Variants in SHB observed in about 807,000 individuals in gnomAD.
SHB encodes the protein SH2 domain-containing adapter protein B.
SHB carries 20 observed loss-of-function variants against 52.3 expected under a neutral mutation model. The observed-to-expected ratio is 0.38, with a 90% CI of 0.27 to 0.56. SHB has a LOEUF of 0.56. Among genes scored for constraint, SHB ranks in the 20% least tolerant of loss-of-function variants. The probability of loss-of-function intolerance (pLI) is 0.71; values close to 1 mark genes in which losing one functional copy is unlikely to be tolerated. For missense variants in SHB, 825 were observed against 723.3 expected (o/e 1.14, Z -1.61); for synonymous variants, 397 against 316.5 (o/e 1.25, Z -2.70).
chr9:37,959,033 G>A (rs1157068034), intron 3 of SHB, among the ~76,000 whole-genome samples: 1 of 152,144 alleles, frequency 6.6e-6, no homozygotes, highest in African/African-American at 2.4e-5. Context: ...ACTTATAGAT[G>A]GGGATAATCA....
intron 1 of SHB, among the ~76,000 whole-genome samples, chr9:38,046,709 T>C (rs959540202): frequency 1.3e-5 from 2 of 152,250 alleles, no homozygotes; most frequent in Non-Finnish European, 2.9e-5. Context: ...CGCAATGAGA[T>C]GTGGCTTCAT....
At chr9:38,049,308 C>A (rs1253682283) in intron 1 of SHB, among the ~76,000 whole-genome samples, 2 of 151,654 alleles carry the variant, frequency 1.3e-5, no homozygotes, top group African/African-American at 4.8e-5. Context: ...CAGCCAATAT[C>A]CTCACTGAAA....
chr9:37,984,337 A>C (rs1033062080), intron 2 of SHB, among the ~76,000 whole-genome samples: 1 of 152,194 alleles, frequency 6.6e-6, no homozygotes, highest in Non-Finnish European at 1.5e-5. Context: ...TTCTGGGTCC[A>C]CAACTCCCGA....
At chr9:37,963,049 G>A (rs1832711141) in intron 3 of SHB, among the ~76,000 whole-genome samples, 1 of 152,186 alleles carries the variant, frequency 6.6e-6, no homozygotes, top group South Asian at 2.1e-4. Flanking sequence ...TGGGACTGCA[G>A]CCCTGGGCAG....
intron 1 of SHB, among the ~76,000 whole-genome samples, chr9:38,043,799 G>T (rs537465950): frequency 6.6e-6 from 1 of 152,106 alleles, no homozygotes; most frequent in East Asian, 1.9e-4. Flanking sequence ...TGAGGCAGGA[G>T]AATGGCTTGA....
intron 2 of SHB, among the ~76,000 whole-genome samples, chr9:37,997,316 C>G (rs1473986102): frequency 1.3e-5 from 2 of 152,154 alleles, no homozygotes; most frequent in Non-Finnish European, 2.9e-5. Flanking sequence ...CCTACGAAAC[C>G]ACTGGTGGGT....
intron 1 of SHB, among the ~76,000 whole-genome samples, chr9:38,036,988 G>A (rs1164087491): frequency 1.3e-5 from 2 of 152,130 alleles, no homozygotes; most frequent in Non-Finnish European, 2.9e-5. Flanking sequence ...ACTCTACTAT[G>A]AAACTCCTCC....
intron 3 of SHB, among the ~76,000 whole-genome samples, chr9:37,957,437 T>C (rs150280830): frequency 3.9e-5 from 6 of 152,286 alleles, no homozygotes; most frequent in African/African-American, 1.4e-4. Flanking sequence ...TATCAGGGAC[T>C]GTGGGGCATT....
At chr9:38,057,813 T>A (rs978908902) in intron 1 of SHB, among the ~76,000 whole-genome samples, 3 of 152,248 alleles carry the variant, frequency 2.0e-5, no homozygotes, top group Non-Finnish European at 4.4e-5. Context: ...CCATAGCCCA[T>A]GTACCAGTGA....
intron 1 of SHB, among the ~76,000 whole-genome samples, chr9:38,066,017 TAGCACTCATCAC>T (rs757988926): frequency 6.6e-6 from 1 of 152,194 alleles, no homozygotes; most frequent in Non-Finnish European, 1.5e-5. Flanking sequence ...GGTCTCATCA[TAGCACTCATCAC>T]CATCACGCCA....
chr9:38,066,219 C>G (rs1484059319), intron 1 of SHB, among the ~76,000 whole-genome samples: 1 of 152,172 alleles, frequency 6.6e-6, no homozygotes, highest in Non-Finnish European at 1.5e-5. Context: ...TTAACTGTAA[C>G]TGGGAAAAAA....
intron 1 of SHB, among the ~76,000 whole-genome samples, chr9:38,061,618 T>A (rs186936836): frequency 6.6e-6 from 1 of 152,322 alleles, no homozygotes; most frequent in East Asian, 1.9e-4. Flanking sequence ...AGCTAATTTT[T>A]ATGGGTCAGA....
rs1191241104 is a variant in SHB, at chr9:37,917,084, T to C, written c.*2737A>G. 6.7e-6 allele frequency among the ~76,000 whole-genome samples: 1 copy of C among 149,322 alleles called. No homozygotes were observed. Among genetic ancestry groups the C allele is most frequent in the Non-Finnish European group, 1.5e-5 (1 of 67,578 alleles). On this transcript the variant is annotated 3_prime_UTR_variant, in exon 6 of 6. Transcript: ENST00000377707. ...AAAACAAAAACCAAACCAAAGCCAG[T>C]AACCTGAATGTGAGTGTTTCTGAAA...
At chr9:38,056,049 G>T (rs1273268313) in intron 1 of SHB, among the ~76,000 whole-genome samples, 1 of 152,204 alleles carries the variant, frequency 6.6e-6, no homozygotes, top group African/African-American at 2.4e-5. Flanking sequence ...ATCTGCAGAA[G>T]AAAGTTGTCA....
chr9:37,917,816 G>C lies in SHB; in HGVS notation c.*2005C>G, dbSNP rs1012630754. On this transcript the variant is annotated 3_prime_UTR_variant, in exon 6 of 6. Transcript: ENST00000377707. Reference sequence around the variant, plus strand: ...TTTAAGAGATTAAACCCAGGCCACAGCCAGCGTGGTCTCTATGAGGGCTGG... The same window carrying C: ...TTTAAGAGATTAAACCCAGGCCACACCCAGCGTGGTCTCTATGAGGGCTGG... 6.6e-6 allele frequency among the ~76,000 whole-genome samples: 1 copy of C among 152,260 alleles called. No homozygotes were observed. The highest frequency in any genetic ancestry group is 2.4e-5 in the African/African-American group (1 of 41,472).
intron 5 of SHB, among the ~76,000 whole-genome samples, chr9:37,924,009 T>C (rs958732395): frequency 1.3e-5 from 2 of 152,230 alleles, no homozygotes; most frequent in African/African-American, 4.8e-5. Flanking sequence ...AGGGAGGGCA[T>C]TGCCCCCGGG....
intron 5 of SHB, among the ~76,000 whole-genome samples, chr9:37,927,260 G>T (rs759806179): frequency 1.3e-5 from 2 of 152,226 alleles, no homozygotes; most frequent in Non-Finnish European, 2.9e-5. Flanking sequence ...AGCTTAGGAG[G>T]CCACGTGGCC....
intron 4 of SHB, among the ~76,000 whole-genome samples, chr9:37,954,328 C>T (rs1832603699): frequency 6.6e-6 from 1 of 152,174 alleles, no homozygotes; most frequent in African/African-American, 2.4e-5. Flanking sequence ...CCCTGCCGGC[C>T]ATGCCAAGAC....
rs1342273254 is a variant in SHB at position 37,916,590 on chromosome 9, G to A, written c.*3231C>T. 6.6e-6 allele frequency among the ~76,000 whole-genome samples: 1 copy of A among 152,212 alleles called. No individual in the cohort carries two copies. Among genetic ancestry groups the A allele is most frequent in the Non-Finnish European group, 1.5e-5 (1 of 68,034 alleles). The stretch of plus-strand genomic sequence containing the variant: ...CCTGCTCACTCTCAGGCCACAGAGG[G>A]GCCCCGGCCCACAGCCGCCCTGTGA... On this transcript the variant is annotated 3_prime_UTR_variant, in exon 6 of 6. Coordinates refer to ENST00000377707, the MANE Select transcript of SHB (RefSeq NM_003028.3).
Sources: allele counts gnomAD v4.1 joint callset (sites outside exome capture counted in the v4.1 genomes callset), GRCh38; gene constraint gnomAD v4.1.1; transcripts MANE v1.5; gene names NCBI Gene and HGNC (gene_info 2026-07-23, HGNC 2026-07-21).